Variants in MALRD1 observed in about 807,000 individuals in gnomAD.
MALRD1 encodes the protein MAM and LDL receptor class A domain containing 1.
A neutral mutation model predicts 242.1 loss-of-function variants in MALRD1; 247 were observed. The ratio of observed to expected loss-of-function variants is 1.02; its 90% CI spans 0.92 to 1.13. The LOEUF is 1.13. Among genes scored for constraint, MALRD1 ranks in the 50% most tolerant of loss-of-function variants. The pLI, the probability that MALRD1 is intolerant of heterozygous loss-of-function variation, is 0.00. For missense variants in MALRD1, 2,989 were observed against 2,533.1 expected, an observed-to-expected ratio of 1.18 and a Z score of -3.86; for synonymous variants, 995 against 866.6, an observed-to-expected ratio of 1.15 and a Z score of -2.60.
chr10:19,444,879 T>C (rs1161076645), intron 28 of MALRD1, among the ~76,000 whole-genome samples: 1 of 152,260 alleles, frequency 6.6e-6, no homozygotes, highest in Admixed American at 6.5e-5. Context: ...GGGGAAGTTC[T>C]GGATAATATC....
chr10:19,328,658 G>C (rs768839967), intron 23 of MALRD1, among the ~76,000 whole-genome samples: 1 of 152,124 alleles, frequency 6.6e-6, no homozygotes, highest in Non-Finnish European at 1.5e-5. Flanking sequence ...GCACTGAAAA[G>C]TGTTACAGCC....
At chr10:19,478,034 C>T (rs1266533061) in intron 29 of MALRD1, among the ~76,000 whole-genome samples, 1 of 152,206 alleles carries the variant, frequency 6.6e-6, no homozygotes, top group Non-Finnish European at 1.5e-5. Flanking sequence ...CTGAATTTTA[C>T]AGGCTGCTCT....
chr10:19,571,424 A>C (rs940733876), intron 33 of MALRD1, among the ~76,000 whole-genome samples: 3 of 152,182 alleles, frequency 2.0e-5, no homozygotes, highest in African/African-American at 7.2e-5. Flanking sequence ...ATTTGGTAAA[A>C]ATTATCTTTG....
intron 36 of MALRD1, among the ~76,000 whole-genome samples, chr10:19,657,855 C>T (rs951854069): frequency 4.6e-5 from 7 of 151,982 alleles, no homozygotes; most frequent in East Asian, 3.9e-4. Context: ...GTTAAATACA[C>T]GACTAATTTT....
intron 25 of MALRD1, among the ~76,000 whole-genome samples, chr10:19,350,426 A>G (rs889042825): frequency 6.7e-6 from 1 of 150,090 alleles, no homozygotes; most frequent in Non-Finnish European, 1.5e-5. Flanking sequence ...GCACACCACC[A>G]CTCCTAGCTG....
chr10:19,636,675 GA>G (rs1477817880), intron 36 of MALRD1, among the ~76,000 whole-genome samples: 1 of 152,072 alleles, frequency 6.6e-6, no homozygotes, highest in Non-Finnish European at 1.5e-5. Context: ...GTGGCGAGTG[GA>G]TCACCTGAGG....
intron 5 of MALRD1, among the ~76,000 whole-genome samples, chr10:19,110,564 A>G (rs957577253): frequency 6.6e-6 from 1 of 152,192 alleles, no homozygotes; most frequent in Non-Finnish European, 1.5e-5. Context: ...TGGACTTATC[A>G]AAAGGGATGC....
chr10:19,265,545 T>C (rs746753282), intron 19 of MALRD1, among the ~76,000 whole-genome samples: 3 of 152,112 alleles, frequency 2.0e-5, no homozygotes, highest in Non-Finnish European at 2.9e-5. Flanking sequence ...TTTTCCCCTC[T>C]CAATGATTTC....
At chr10:19,515,660 C>T (rs538918917) in intron 31 of MALRD1, among the ~76,000 whole-genome samples, 67 of 151,994 alleles carry the variant, frequency 4.4e-4, no homozygotes, top group Admixed American at 1.6e-3. Context: ...CCCGGGTTCA[C>T]GCCATTCTCC....
intron 21 of MALRD1, among the ~76,000 whole-genome samples, chr10:19,301,852 T>C (rs1292435391): frequency 6.6e-6 from 1 of 151,622 alleles, no homozygotes; most frequent in Admixed American, 6.6e-5. Flanking sequence ...CATGGACCCA[T>C]TGAACCTAAA....
chr10:19,525,106 G>T (rs1036269633), intron 31 of MALRD1, among the ~76,000 whole-genome samples: 1 of 151,218 alleles, frequency 6.6e-6, no homozygotes, highest in African/African-American at 2.4e-5. Flanking sequence ...GTAGAGACGG[G>T]GTTTCCCTAT....
intron 18 of MALRD1, among the ~76,000 whole-genome samples, chr10:19,216,932 C>T (rs767823697): frequency 5.6e-5 from 8 of 143,140 alleles, no homozygotes; most frequent in East Asian, 2.1e-4. Flanking sequence ...GGTGACAGAG[C>T]GAGACTCCGT....
In MALRD1 at chr10:19,567,844, G is replaced by A. The variant is rs928061469; in HGVS notation, c.5680+141G>A. 6 of 718,904 alleles carry A rather than the reference G, an allele frequency of 8.3e-6. No homozygotes were observed. The African/African-American group carries it at 1.1e-4, about 13-fold the overall frequency. The allele number at this position is 718,904 out of a possible 1,614,324, so 44.5% of individuals were successfully genotyped here. Reference sequence around the variant, plus strand: ...CATGGAAAAGAGTCACATATACTAAGAAGTAAAGTTTCTCTGCCTATGAAC... The same window carrying A: ...CATGGAAAAGAGTCACATATACTAAAAAGTAAAGTTTCTCTGCCTATGAAC... On this transcript the variant is annotated intron_variant, in intron 33 of 39. Transcript: ENST00000454679.
Position 19,443,408 on chromosome 10 carries a change from A to G in MALRD1, c.4846-6899A>G, listed in dbSNP as rs564175020. 2.6e-5 allele frequency among the ~76,000 whole-genome samples: 4 copies of G among 152,028 alleles called. No individual in the cohort carries two copies. In the East Asian group the frequency reaches 7.7e-4, roughly 29 times the overall value. Reference sequence around the variant, plus strand: ...TGCTTCTTTAGTTCTTTTAATTGCAATGTTAGGGTGTCAATTTTAGATCTT... The same window carrying G: ...TGCTTCTTTAGTTCTTTTAATTGCAGTGTTAGGGTGTCAATTTTAGATCTT... On this transcript the variant is annotated intron_variant, in intron 28 of 39. Transcript: ENST00000454679.
intron 36 of MALRD1, among the ~76,000 whole-genome samples, chr10:19,660,735 G>A (rs1841390410): frequency 6.6e-6 from 1 of 152,134 alleles, no homozygotes; most frequent in Admixed American, 6.6e-5. Flanking sequence ...AATTCTAGCA[G>A]GCTTTTCCAC....
chr10:19,647,824 C>G (rs553471717), intron 36 of MALRD1, among the ~76,000 whole-genome samples: 46 of 152,248 alleles, frequency 3.0e-4, no homozygotes, highest in African/African-American at 1.1e-3. Flanking sequence ...TTGTTTTCAA[C>G]AACCATAAAA....
At chr10:19,147,703 C>T (rs151241369) in intron 11 of MALRD1, among the ~76,000 whole-genome samples, 26 of 152,144 alleles carry the variant, frequency 1.7e-4, no homozygotes, top group African/African-American at 5.3e-4. Context: ...GAATTGCAAT[C>T]GGTTATGAAG....
intron 20 of MALRD1, among the ~76,000 whole-genome samples, chr10:19,282,646 C>T (rs963790701): frequency 6.6e-6 from 1 of 152,084 alleles, no homozygotes; most frequent in Non-Finnish European, 1.5e-5. Context: ...TGGGAATTAG[C>T]AATAACCCCT....
At chr10:19,725,265 G>A (rs373797433) in intron 38 of MALRD1, among the ~76,000 whole-genome samples, 34 of 152,234 alleles carry the variant, frequency 2.2e-4, no homozygotes, top group African/African-American at 7.5e-4. Context: ...CTAAGCATGG[G>A]GGTGGTTACC....
Sources: gnomAD v4.1 joint callset for allele counts (sites outside exome capture counted in the v4.1 genomes callset) on GRCh38, gnomAD v4.1.1 for gene constraint, MANE v1.5 for transcripts, NCBI Gene and HGNC (gene_info 2026-07-23, HGNC 2026-07-21) for gene names.